NRG3: variants seen among roughly 807,000 people sequenced by gnomAD.
NRG3 encodes pro-neuregulin-3, membrane-bound isoform.
NRG3 carries 31 observed loss-of-function variants against 66.9 expected under a neutral mutation model. The observed-to-expected ratio is 0.46, with a 90% CI of 0.35 to 0.63. The LOEUF (loss-of-function observed/expected upper bound fraction) is 0.63. Ranked by LOEUF, NRG3 falls within the 20% of genes least tolerant of loss-of-function variation. NRG3 has a pLI of 0.00. For synonymous variants in NRG3, 393 were observed against 359.4 expected (o/e 1.09, Z -1.06); for missense variants, 910 against 878.9 (o/e 1.04, Z -0.45).
At chr10:82,408,124 AAAGAAAG>A (rs2087745316) in intron 2 of NRG3, among the ~76,000 whole-genome samples, 2 of 144,310 alleles carry the variant, frequency 1.4e-5, no homozygotes, top group East Asian at 2.2e-4. Context: ...AGAAAGAAAG[AAAGAAAG>A]AAAGAAAGAA....
chr10:82,572,001 G>A (rs997299074), intron 2 of NRG3, among the ~76,000 whole-genome samples: 1 of 150,490 alleles, frequency 6.6e-6, no homozygotes, highest in Non-Finnish European at 1.5e-5. Flanking sequence ...TCCTTGTACT[G>A]TTTTAAGTAT....
At chr10:82,883,797 A>T (rs1164480145) in intron 4 of NRG3, among the ~76,000 whole-genome samples, 1 of 152,154 alleles carries the variant, frequency 6.6e-6, no homozygotes, top group Admixed American at 6.5e-5. Context: ...TTTGAAACTT[A>T]GTTGAGAGAA....
intron 4 of NRG3, among the ~76,000 whole-genome samples, chr10:82,913,943 T>C (rs1203889864): frequency 6.6e-6 from 1 of 152,208 alleles, no homozygotes; most frequent in Non-Finnish European, 1.5e-5. Context: ...GTTATATCTT[T>C]TTAAAATTGT....
chr10:82,236,422 T>C (rs1192121201), intron 1 of NRG3, among the ~76,000 whole-genome samples: 1 of 152,110 alleles, frequency 6.6e-6, no homozygotes, highest in African/African-American at 2.4e-5. Context: ...AAAGCCAGGG[T>C]GCTTCTTTTA....
chr10:82,804,677 A>G (rs1402749645), intron 3 of NRG3, among the ~76,000 whole-genome samples: 1 of 152,218 alleles, frequency 6.6e-6, no homozygotes, highest in East Asian at 1.9e-4. Flanking sequence ...TTGCCTTACA[A>G]CACAAAGCCT....
At chr10:82,700,175 C>T (rs913589651) in intron 2 of NRG3, among the ~76,000 whole-genome samples, 10 of 152,058 alleles carry the variant, frequency 6.6e-5, no homozygotes, top group South Asian at 2.1e-4. Context: ...TAAGTTAGAT[C>T]GCACACTAAA....
chr10:82,475,347 A>G (rs1391958545), intron 2 of NRG3, among the ~76,000 whole-genome samples: 2 of 152,116 alleles, frequency 1.3e-5, no homozygotes, highest in Non-Finnish European at 2.9e-5. Context: ...CAAATTGGAT[A>G]ATCTAGGGGA....
intron 2 of NRG3, among the ~76,000 whole-genome samples, chr10:82,711,578 C>T (rs1010127324): frequency 2.0e-5 from 3 of 148,872 alleles, no homozygotes; most frequent in African/African-American, 7.4e-5. Context: ...TGAGATGGTG[C>T]ATAATTTAAT....
At chr10:82,828,981 C>A (rs1487630158) in intron 3 of NRG3, among the ~76,000 whole-genome samples, 1 of 152,124 alleles carries the variant, frequency 6.6e-6, no homozygotes, top group Non-Finnish European at 1.5e-5. Flanking sequence ...GGTATAGTTC[C>A]TCAGAGAAAA....
At chr10:82,780,624 T>C (rs925906445) in intron 3 of NRG3, among the ~76,000 whole-genome samples, 1 of 152,092 alleles carries the variant, frequency 6.6e-6, no homozygotes, top group Non-Finnish European at 1.5e-5. Context: ...AACAGGCAGT[T>C]ACACTGTTTA....
chr10:82,379,247 A>G (rs2085455002), intron 2 of NRG3, among the ~76,000 whole-genome samples: 1 of 152,152 alleles, frequency 6.6e-6, no homozygotes, highest in South Asian at 2.1e-4. Context: ...ACACCGTAGG[A>G]GGACTGCAAG....
chr10:82,677,109 G>T (rs2053757795), intron 2 of NRG3, among the ~76,000 whole-genome samples: 1 of 150,232 alleles, frequency 6.7e-6, no homozygotes, highest in South Asian at 2.1e-4. Context: ...ACCCAGGCTG[G>T]GGCGCAGTGG....
chr10:82,982,894 C>T (rs772427496), intron 8 of NRG3, among the ~76,000 whole-genome samples: 1 of 152,178 alleles, frequency 6.6e-6, no homozygotes, highest in African/African-American at 2.4e-5. Flanking sequence ...GAATTGACAT[C>T]TAATAGTCCA....
chr10:82,857,242 C>T (rs969508804), intron 3 of NRG3, among the ~76,000 whole-genome samples: 1 of 152,186 alleles, frequency 6.6e-6, no homozygotes. Flanking sequence ...TGCTTCTCCC[C>T]ATCCTTTGAT....
intron 2 of NRG3, among the ~76,000 whole-genome samples, chr10:82,607,465 A>G (rs2048037249): frequency 6.6e-6 from 1 of 152,068 alleles, no homozygotes; most frequent in Non-Finnish European, 1.5e-5. Flanking sequence ...CTTTTACTCT[A>G]TCTGTGTCCT....
At chr10:82,618,324 A>C (rs2048802130) in intron 2 of NRG3, among the ~76,000 whole-genome samples, 2 of 151,884 alleles carry the variant, frequency 1.3e-5, no homozygotes, top group Admixed American at 1.3e-4. Context: ...AGGCAGGGAG[A>C]CGGGGGGGAA....
chr10:81,957,226 T>G (rs1589593528), intron 1 of NRG3, among the ~76,000 whole-genome samples: 1 of 152,170 alleles, frequency 6.6e-6, no homozygotes, highest in African/African-American at 2.4e-5. Flanking sequence ...CAGGAACGCC[T>G]GCATTGGACT....
Position 82,358,857 on chromosome 10 carries a change from T to C in NRG3, c.942T>C (p.His314=). The part of the protein sequence containing the change: ...CFVIETLTGS[H]KHCRCKEGYQ... ...TGATCGAAACCCTGACCGGATCCCA[T>C]AAACACTGTCGGTAAGCCACTGAGG... The change falls in exon 2 of 9, where the codon CAT becomes CAC. Residue 314 remains histidine, a synonymous_variant. Coordinates refer to ENST00000372141, the MANE Select transcript of NRG3 (RefSeq NM_001010848.4). The C allele has an allele frequency of 6.2e-7, 1 of 1,614,128 alleles. No individual in the cohort carries two copies. The highest frequency in any genetic ancestry group is 1.1e-5 in the South Asian group (1 of 91,080).
At chr10:82,963,095 A>C (rs535539325) in intron 6 of NRG3, among the ~76,000 whole-genome samples, 159 of 152,312 alleles carry the variant, frequency 1.0e-3, no homozygotes, top group Admixed American at 2.2e-3. Context: ...GATACATTAA[A>C]TCAAAGTACT....
Sources: gnomAD v4.1 joint callset for allele counts (sites outside exome capture counted in the v4.1 genomes callset) on GRCh38, gnomAD v4.1.1 for gene constraint, MANE v1.5 for transcripts, NCBI Gene and HGNC (gene_info 2026-07-23, HGNC 2026-07-21) for gene names.